CNTN1: variants seen among roughly 807,000 people sequenced by gnomAD.
CNTN1 encodes the protein contactin-1.
In CNTN1, 38 loss-of-function variants were observed where a neutral mutation model predicts 126.4. That is an observed-to-expected ratio of 0.30 (90% CI 0.23 to 0.39). CNTN1 has a LOEUF of 0.39. Ranked by LOEUF, CNTN1 falls within the 10% of genes least tolerant of loss-of-function variation. The pLI, the probability that CNTN1 is intolerant of heterozygous loss-of-function variation, is 1.00. For missense variants in CNTN1, 1,009 were observed against 1,248.4 expected (o/e 0.81, Z 2.89); for synonymous variants, 413 against 422.6 (o/e 0.98, Z 0.28).
intron 1 of CNTN1, among the ~76,000 whole-genome samples, chr12:40,819,714 G>A (rs1941383849): frequency 6.6e-6 from 1 of 152,220 alleles, no homozygotes; most frequent in Admixed American, 6.5e-5. Context: ...CCCCCCTGGA[G>A]TTCAGTAAGC....
chr12:40,925,732 A>G (rs1945647643), intron 6 of CNTN1, among the ~76,000 whole-genome samples: 1 of 145,658 alleles, frequency 6.9e-6, no homozygotes, highest in African/African-American at 2.5e-5. Flanking sequence ...CAGGAGGTAC[A>G]TATAAAATTC....
chr12:40,774,594 G>A (rs1244032521), intron 1 of CNTN1, among the ~76,000 whole-genome samples: 2 of 151,674 alleles, frequency 1.3e-5, no homozygotes, highest in East Asian at 1.9e-4. Flanking sequence ...TAAACTCAAT[G>A]TGATAAAGTC....
chr12:40,834,356 G>A (rs61913940), intron 1 of CNTN1, among the ~76,000 whole-genome samples: 3,278 of 152,216 alleles, frequency 0.022, 53 homozygotes, highest in Middle Eastern at 0.044. Flanking sequence ...TACTGTAATC[G>A]TAATAGCCCT....
intron 1 of CNTN1, among the ~76,000 whole-genome samples, chr12:40,750,034 G>A (rs1046816666): frequency 2.6e-5 from 4 of 152,062 alleles, no homozygotes; most frequent in South Asian, 2.1e-4. Context: ...CACTGAGGCT[G>A]TGAAAAGAGC....
intron 14 of CNTN1, among the ~76,000 whole-genome samples, chr12:40,950,100 GTGTGTGTGTGTGT>G (rs1946613767): frequency 2.0e-3 from 15 of 7,614 alleles, no homozygotes; most frequent in African/African-American, 5.8e-3. Context: ...TTGAGAGGGT[GTGTGTGTGTGTGT>G]GTGTGTGTGT....
intron 1 of CNTN1, among the ~76,000 whole-genome samples, chr12:40,811,468 T>C (rs1002954368): frequency 6.6e-6 from 1 of 152,194 alleles, no homozygotes; most frequent in Non-Finnish European, 1.5e-5. Context: ...TTCAAGCTGT[T>C]TGAGAAAGAT....
At chr12:40,922,166 C>G in intron 4 of CNTN1, 90 bp from the exon 5 acceptor site, 1 of 1,085,324 alleles carries the variant, frequency 9.2e-7, no homozygotes, top group Non-Finnish European at 1.4e-6. Flanking sequence ...CACATGGAGC[C>G]GTACCCAAAT....
chr12:40,924,637 C>T lies in CNTN1; in HGVS notation c.481C>T (p.Pro161Ser), dbSNP rs1462125623. 3.8e-6 allele frequency: 6 copies of T among 1,593,064 alleles called. No individual in the cohort carries two copies. Among genetic ancestry groups the T allele is most frequent in the African/African-American group, 1.3e-5 (1 of 74,410 alleles). The change falls in exon 6 of 24, where the codon CCA becomes TCA. Residue 161 changes from proline to serine, a missense_variant. By Grantham distance (74) the Pro-to-Ser change is moderately conservative. Transcript: ENST00000551295. ...GKGMVLLCDPPYHFPDDLSYR... is the reference protein window; with the variant it reads ...GKGMVLLCDPSYHFPDDLSYR... ...AGGAATGGTGCTTCTCTGTGACCCC[C>T]CATACCATTTTCCAGGTAAACTTAA... is the stretch of plus-strand genomic sequence containing the variant.
At chr12:41,003,240 C>G (rs80281151) in intron 17 of CNTN1, among the ~76,000 whole-genome samples, 1 of 152,082 alleles carries the variant, frequency 6.6e-6, no homozygotes, top group Non-Finnish European at 1.5e-5. Context: ...TGTGATGAAT[C>G]ACATTTACTG....
At chr12:40,986,065 A>G (rs900408970) in intron 16 of CNTN1, among the ~76,000 whole-genome samples, 1 of 152,138 alleles carries the variant, frequency 6.6e-6, no homozygotes, top group African/African-American at 2.4e-5. Context: ...GCTGCTTTTA[A>G]TATTGTTCAC....
intron 1 of CNTN1, among the ~76,000 whole-genome samples, chr12:40,819,948 G>A (rs1033043454): frequency 2.6e-5 from 4 of 152,114 alleles, no homozygotes; most frequent in African/African-American, 9.7e-5. Context: ...GTTGGCTGCC[G>A]CACCACACTG....
At position 41,070,993 on chromosome 12, in the gene CNTN1, C is replaced by T. The variant is rs1323147228; in HGVS notation, c.*958C>T. 1 of 151,804 alleles carries T rather than the reference C, an allele frequency of 6.6e-6. No individual in the cohort carries two copies. Among genetic ancestry groups the T allele is most frequent in the Non-Finnish European group, 1.5e-5 (1 of 67,946 alleles). The allele number at this position is 151,804 out of a possible 1,614,324, so 9.4% of individuals were successfully genotyped here. ...AGTATGTTGGTTTTTCTGCTTCATT[C>T]CTAAGTATTACGTTTCTTTATTGCA... On this transcript the variant is annotated 3_prime_UTR_variant, in exon 24 of 24. Coordinates refer to ENST00000551295, the MANE Select transcript of CNTN1 (RefSeq NM_001843.4).
chr12:40,959,012 G>A, intron 14 of CNTN1, 102 bp from the exon 15 acceptor site: 2 of 1,343,752 alleles, frequency 1.5e-6, no homozygotes, highest in Non-Finnish European at 2.1e-6. Context: ...TTCTTTAAGT[G>A]GTGTTCATTT....
At chr12:40,960,570 C>T (rs1947069973) in intron 15 of CNTN1, among the ~76,000 whole-genome samples, 1 of 151,990 alleles carries the variant, frequency 6.6e-6, no homozygotes, top group Non-Finnish European at 1.5e-5. Flanking sequence ...AATATATTCT[C>T]CAATAGAGTT....
intron 15 of CNTN1, among the ~76,000 whole-genome samples, chr12:40,966,947 A>G (rs1042153779): frequency 2.0e-5 from 3 of 152,194 alleles, no homozygotes; most frequent in Admixed American, 2.0e-4. Context: ...TCTGCAATTA[A>G]TTACTCCCGG....
intron 1 of CNTN1, among the ~76,000 whole-genome samples, chr12:40,868,177 G>A (rs1008053073): frequency 6.6e-6 from 1 of 151,602 alleles, no homozygotes; most frequent in African/African-American, 2.4e-5. Flanking sequence ...TTCTCTCTGG[G>A]CATAAGATCT....
chr12:41,023,515 C>T (rs141705635), intron 20 of CNTN1, among the ~76,000 whole-genome samples: 4 of 152,318 alleles, frequency 2.6e-5, no homozygotes, highest in African/African-American at 9.6e-5. Flanking sequence ...ACTTTGGGCT[C>T]TTGCCCAGGA....
chr12:40,931,444 C>A (rs1282838348), intron 7 of CNTN1, among the ~76,000 whole-genome samples: 4 of 151,878 alleles, frequency 2.6e-5, no homozygotes, highest in African/African-American at 9.7e-5. Context: ...ACATTTTCAA[C>A]AGTATACCTT....
chr12:40,876,007 G>A (rs147649575), intron 1 of CNTN1, among the ~76,000 whole-genome samples: 239 of 151,810 alleles, frequency 1.6e-3, no homozygotes, highest in African/African-American at 3.8e-3. Context: ...CTATCTCAAG[G>A]TAACATTATT....
Sources: gnomAD v4.1 joint callset for allele counts (sites outside exome capture counted in the v4.1 genomes callset) on GRCh38, gnomAD v4.1.1 for gene constraint, MANE v1.5 for transcripts, NCBI Gene and HGNC (gene_info 2026-07-23, HGNC 2026-07-21) for gene names.